The following RSRC1 variants were observed in gnomAD, a reference collection of about 807,000 sequenced individuals.
RSRC1 encodes the protein arginine and serine rich coiled-coil 1.
A neutral mutation model predicts 49.1 loss-of-function variants in RSRC1; 39 were observed. That is an observed-to-expected ratio of 0.79 (90% CI 0.61 to 1.04). The LOEUF (loss-of-function observed/expected upper bound fraction) is 1.04, where lower values mean the gene tolerates loss of function less well. Ranked by LOEUF, RSRC1 falls within the 50% of genes least tolerant of loss-of-function variation. RSRC1 has a pLI of 0.00. For missense variants in RSRC1, 388 were observed against 402.4 expected (o/e 0.96, Z 0.31); for synonymous variants, 143 against 130.8 (o/e 1.09, Z -0.63).
chr3:158,328,942 G>T (rs1729368092), intron 5 of RSRC1, among the ~76,000 whole-genome samples: 1 of 151,916 alleles, frequency 6.6e-6, no homozygotes, highest in Non-Finnish European at 1.5e-5. Context: ...ATTTCTTTTT[G>T]CTCTTTTTTC....
chr3:158,380,128 A>G (rs1000236872), intron 6 of RSRC1, among the ~76,000 whole-genome samples: 5 of 152,194 alleles, frequency 3.3e-5, no homozygotes, highest in Admixed American at 2.6e-4. Flanking sequence ...TAAAATATAC[A>G]TATTACTGAT....
chr3:158,307,738 A>G (rs1326873807), intron 5 of RSRC1, among the ~76,000 whole-genome samples: 2 of 151,906 alleles, frequency 1.3e-5, no homozygotes, highest in East Asian at 1.9e-4. Flanking sequence ...GAACTAAAAT[A>G]TGTAGACTTT....
chr3:158,145,978 T>C (rs1432298448), intron 3 of RSRC1, among the ~76,000 whole-genome samples: 3 of 152,186 alleles, frequency 2.0e-5, no homozygotes, highest in Non-Finnish European at 4.4e-5. Context: ...CACATTGATT[T>C]TGTATCCTGA....
chr3:158,219,211 T>A (rs1722107178), intron 4 of RSRC1, among the ~76,000 whole-genome samples: 1 of 151,622 alleles, frequency 6.6e-6, no homozygotes, highest in Non-Finnish European at 1.5e-5. Context: ...GGGGAGTAAT[T>A]ACCTTTTTAT....
chr3:158,540,042 A>G (rs754930192), intron 8 of RSRC1, among the ~76,000 whole-genome samples: 2 of 152,174 alleles, frequency 1.3e-5, no homozygotes, highest in South Asian at 2.1e-4. Context: ...GCAGAATGAT[A>G]TGCTCTTACA....
chr3:158,400,168 T>C (rs1733826006), intron 6 of RSRC1, among the ~76,000 whole-genome samples: 2 of 152,124 alleles, frequency 1.3e-5, no homozygotes, highest in Admixed American at 1.3e-4. Context: ...TATTCAGTTA[T>C]AATGGAGCTG....
rs1480487771 is a variant in RSRC1, at chr3:158,544,725, A to T, written c.*450A>T. ...TTCACCATATTGCAAATTTTTAGGCACAATAAAAAGCACCCTAAACAATGT... is the reference window on the plus strand; with the variant it reads ...TTCACCATATTGCAAATTTTTAGGCTCAATAAAAAGCACCCTAAACAATGT... On this transcript the variant is annotated 3_prime_UTR_variant, in exon 10 of 10. Coordinates refer to ENST00000611884, the MANE Select transcript of RSRC1 (RefSeq NM_001271838.2). 1 of 152,376 alleles carries T rather than the reference A, an allele frequency of 6.6e-6. No individual in the cohort carries two copies. The allele number at this position is 152,376 out of a possible 1,614,324, so 9.4% of individuals were successfully genotyped here. A position where few individuals can be genotyped will look rare whatever the true frequency, so the allele number is the denominator to read the frequency against.
intron 3 of RSRC1, among the ~76,000 whole-genome samples, chr3:158,185,387 A>G (rs1434151228): frequency 6.6e-6 from 1 of 151,928 alleles, no homozygotes; most frequent in African/African-American, 2.4e-5. Context: ...ATTTTGGAAA[A>G]TTGTCATTTT....
At chr3:158,263,478 C>A (rs1331781528) in intron 4 of RSRC1, among the ~76,000 whole-genome samples, 2 of 152,006 alleles carry the variant, frequency 1.3e-5, no homozygotes, top group Non-Finnish European at 2.9e-5. Context: ...CGTTGTTTTG[C>A]AGTCTTATTT....
At chr3:158,369,237 CATTTT>C (rs1731936460) in intron 6 of RSRC1, among the ~76,000 whole-genome samples, 1 of 152,146 alleles carries the variant, frequency 6.6e-6, no homozygotes, top group Admixed American at 6.5e-5. Context: ...TTCATTTTCT[CATTTT>C]ATTTAATCTT....
rs146270539 is a variant in RSRC1, at chr3:158,156,621, C to T, written c.320+32630C>T. Among the ~76,000 whole-genome samples the T allele has an allele frequency of 1.3e-3, 193 of 152,230 alleles. 2 individuals are homozygous for T. Among genetic ancestry groups the T allele is most frequent in the Non-Finnish European group, 1.4e-3 (96 of 68,016 alleles). ...TATGACTGTTCTTTTCACTTGAATA[C>T]TTAGAGGCCATTGAAGGGTTATTAA... On this transcript the variant is annotated intron_variant, in intron 3 of 9. Coordinates refer to ENST00000611884, the MANE Select transcript of RSRC1 (RefSeq NM_001271838.2).
At chr3:158,382,356 A>G (rs1046553692) in intron 6 of RSRC1, among the ~76,000 whole-genome samples, 2 of 152,214 alleles carry the variant, frequency 1.3e-5, no homozygotes, top group African/African-American at 4.8e-5. Context: ...GATAAAAAGT[A>G]TAGTACTGTG....
chr3:158,194,690 C>A (rs1193518), intron 3 of RSRC1, among the ~76,000 whole-genome samples: 64,924 of 141,644 alleles, frequency 0.46, 15,024 homozygotes, highest in East Asian at 0.64. Flanking sequence ...TGTTCCCCTT[C>A]CTGTGTCCGT....
At chr3:158,123,463 T>C (rs1047208777) in intron 2 of RSRC1, among the ~76,000 whole-genome samples, 1 of 152,180 alleles carries the variant, frequency 6.6e-6, no homozygotes, top group Admixed American at 6.5e-5. Flanking sequence ...GCTAAGTTTT[T>C]TTATTTTTAT....
At chr3:158,239,329 A>G (rs1239340618) in intron 4 of RSRC1, among the ~76,000 whole-genome samples, 1 of 152,228 alleles carries the variant, frequency 6.6e-6, no homozygotes, top group Non-Finnish European at 1.5e-5. Flanking sequence ...AGAACTAGAA[A>G]TGCCATTTGA....
intron 1 of RSRC1, among the ~76,000 whole-genome samples, chr3:158,118,462 T>TGTGTGTGTGTGTGTGTGTGTGTGTGCGC: frequency 8.0e-6 from 1 of 124,716 alleles, no homozygotes; most frequent in East Asian, 2.6e-4. Context: ...TGTGTGTGTG[T>TGTGTGTGTGTGTGTGTGTGTGTGTGCGC]GCGCGTGCGC....
At chr3:158,360,189 T>TCCTCCC (rs1731390438) in intron 6 of RSRC1, among the ~76,000 whole-genome samples, 4 of 152,186 alleles carry the variant, frequency 2.6e-5, no homozygotes. Flanking sequence ...TGTAGGCAGG[T>TCCTCCC]CCTCCCCTTG....
chr3:158,274,565 G>C (rs1478147637), intron 4 of RSRC1, among the ~76,000 whole-genome samples: 1 of 152,044 alleles, frequency 6.6e-6, no homozygotes, highest in Non-Finnish European at 1.5e-5. Flanking sequence ...GAGAAGATAG[G>C]AGAAAATCGG....
intron 4 of RSRC1, among the ~76,000 whole-genome samples, chr3:158,214,546 C>G (rs1054676459): frequency 1.3e-5 from 2 of 150,472 alleles, no homozygotes; most frequent in African/African-American, 4.9e-5. Flanking sequence ...TTTTTCTTTT[C>G]TAATACAAGT....
Sources: allele counts gnomAD v4.1 joint callset (sites outside exome capture counted in the v4.1 genomes callset), GRCh38; gene constraint gnomAD v4.1.1; transcripts MANE v1.5; gene names NCBI Gene and HGNC (gene_info 2026-07-23, HGNC 2026-07-21).